Variants in FGFR2 observed in about 807,000 individuals in gnomAD.
FGFR2 encodes BEK fibroblast growth factor receptor.
Under a neutral mutation model 95.9 loss-of-function variants are expected in FGFR2, and 19 were observed. The ratio of observed to expected loss-of-function variants is 0.20; its 90% CI spans 0.14 to 0.29. FGFR2 has a LOEUF of 0.29. Ranked by LOEUF, FGFR2 falls within the 10% of genes least tolerant of loss-of-function variation. The probability of loss-of-function intolerance (pLI) is 1.00; values close to 1 mark genes in which losing one functional copy is unlikely to be tolerated. For missense variants in FGFR2, 707 were observed against 1,056.9 expected (o/e 0.67, Z 4.59); for synonymous variants, 392 against 393.3 (o/e 1.00, Z 0.04).
At position 121,479,800 on chromosome 10, in the gene FGFR2, C is replaced by T. The variant is rs533590230; in HGVS notation, c.*57G>A. Reference sequence around the variant, plus strand: ...AGCTCTGGGAGGCATGGTCTCCCTGCTCAGTGTAGCTAGGTTCCCAGTGCT... The same window carrying T: ...AGCTCTGGGAGGCATGGTCTCCCTGTTCAGTGTAGCTAGGTTCCCAGTGCT... On this transcript the variant is annotated 3_prime_UTR_variant, in exon 18 of 18. Coordinates refer to ENST00000358487, the MANE Select transcript of FGFR2 (RefSeq NM_000141.5). 3.6e-5 allele frequency: 58 copies of T among 1,613,834 alleles called. No individual in the cohort carries two copies. In the East Asian group the frequency reaches 1.3e-3, roughly 35 times the overall value.
rs1228515489 is a variant in FGFR2 at position 121,543,562 on chromosome 10, C to A, written c.625-4847G>T. Among the ~76,000 whole-genome samples, 89 of 152,224 alleles carry A rather than the reference C, an allele frequency of 5.8e-4. 1 individual carries two copies. The highest frequency in any genetic ancestry group is 1.5e-5 in the Non-Finnish European group (1 of 68,014). On this transcript the variant is annotated intron_variant, in intron 5 of 17. Transcript: ENST00000358487. ...TAAAATCTTATTCTCCCATCCCAGT[C>A]CCCCACTTTCAGCAGGTGCCTGGGG...
At chr10:121,578,514 C>A (rs187774906) in intron 2 of FGFR2, among the ~76,000 whole-genome samples, 2 of 152,242 alleles carry the variant, frequency 1.3e-5, no homozygotes, top group Non-Finnish European at 2.9e-5. Flanking sequence ...AAAAGGTGTA[C>A]GGAGAGGGAC....
At chr10:121,585,857 A>T (rs567128926) in intron 2 of FGFR2, among the ~76,000 whole-genome samples, 2 of 152,372 alleles carry the variant, frequency 1.3e-5, no homozygotes, top group East Asian at 3.9e-4. Context: ...GAAATGCAAC[A>T]TGCATTGGTG....
Position 121,554,150 on chromosome 10 carries a change from T to G in FGFR2, c.455-2691A>C, listed in dbSNP as rs117999938. Among the ~76,000 whole-genome samples the G allele has an allele frequency of 3.2e-3, 493 of 152,292 alleles. 9 individuals are homozygous for G. The highest frequency in any genetic ancestry group is 0.022 in the East Asian group (115 of 5,176). On this transcript the variant is annotated intron_variant, in intron 4 of 17. Coordinates refer to ENST00000358487, the MANE Select transcript of FGFR2 (RefSeq NM_000141.5). ...GGGTACGGGTGCAGTGCTGCTCATC[T>G]AGGTCTCAGAGATCCAAGGTTGGGG... is the stretch of plus-strand genomic sequence containing the variant.
chr10:121,498,142 A>G (rs1042305778), intron 12 of FGFR2, among the ~76,000 whole-genome samples: 1 of 152,176 alleles, frequency 6.6e-6, no homozygotes, highest in African/African-American at 2.4e-5. Context: ...GAACTTCTCA[A>G]CCAAAACATA....
At chr10:121,567,914 C>T (rs1857947808) in intron 2 of FGFR2, among the ~76,000 whole-genome samples, 1 of 152,170 alleles carries the variant, frequency 6.6e-6, no homozygotes, top group South Asian at 2.1e-4. Context: ...TTGTATAAGA[C>T]AATCAGAGAG....
At chr10:121,567,421 C>T (rs977540794) in intron 2 of FGFR2, among the ~76,000 whole-genome samples, 4 of 152,194 alleles carry the variant, frequency 2.6e-5, no homozygotes, top group South Asian at 2.1e-4. Context: ...GCCCAGCTGA[C>T]GGGCAGGTTA....
In FGFR2 at chr10:121,593,724, T is replaced by G; in HGVS notation, c.94A>C (p.Thr32Pro). Residue 32 changes from threonine (T) to proline (P), a missense_variant, in exon 2 of 18, where the codon ACA becomes CCA. Thr to Pro is a conservative substitution (Grantham distance 38, BLOSUM62 -1). This residue lies in a region of FGFR2 where 178 missense variants were observed against 194.1 expected (regional missense o/e 0.92). Transcript: ENST00000358487. ...RPSFSLVEDT[T>P]LEPEEPPTKY... is the part of the protein sequence containing the mutation. ...AATGACTTACCTTCTGGCTCTAATG[T>G]GGTATCCTCAACTAAACTGAAGGAG... 2 of 1,614,074 alleles carry G rather than the reference T, an allele frequency of 1.2e-6. No individual in the cohort carries two copies. Among genetic ancestry groups the G allele is most frequent in the Non-Finnish European group, 1.7e-6 (2 of 1,179,928 alleles).
In FGFR2 at chr10:121,507,653, G is replaced by GA. The variant is rs924915153; in HGVS notation, c.1288-3713dup. 3.9e-4 allele frequency among the ~76,000 whole-genome samples: 59 copies of GA among 150,532 alleles called. 2 individuals are homozygous for GA. Among genetic ancestry groups the GA allele is most frequent in the Admixed American group, 6.6e-4 (10 of 15,106 alleles). On this transcript the variant is annotated intron_variant, in intron 9 of 17. Transcript: ENST00000358487. ...GCATTAATGTGATGATAAAATGAGG[G>GA]AAAAAAAAACTGATGAAGTGCTTAG...
intron 6 of FGFR2, chr10:121,526,740 TGTTTA>T (rs1311080850): frequency 3.5e-5 from 14 of 398,564 alleles, no homozygotes; most frequent in Non-Finnish European, 6.2e-5. Flanking sequence ...TGTTTTGTTT[TGTTTA>T]AACACATTTC....
chr10:121,529,249 C>T (rs755328590), intron 6 of FGFR2, among the ~76,000 whole-genome samples: 40 of 152,184 alleles, frequency 2.6e-4, no homozygotes, highest in Non-Finnish European at 5.6e-4. Flanking sequence ...GCTGGGATTA[C>T]AGGCACACAA....
At chr10:121,486,851 G>A (rs1845478762) in intron 15 of FGFR2, among the ~76,000 whole-genome samples, 1 of 152,154 alleles carries the variant, frequency 6.6e-6, no homozygotes, top group African/African-American at 2.4e-5. Flanking sequence ...TGCTATCAAG[G>A]ATGCCAAAGC....
chr10:121,570,577 T>A (rs911348201), intron 2 of FGFR2, among the ~76,000 whole-genome samples: 14 of 152,230 alleles, frequency 9.2e-5, no homozygotes, highest in Non-Finnish European at 1.8e-4. Context: ...ACTTTTCACC[T>A]TTCCTGTGCG....
chr10:121,494,813 T>C (rs189938696), intron 13 of FGFR2, among the ~76,000 whole-genome samples: 18 of 152,322 alleles, frequency 1.2e-4, no homozygotes, highest in Admixed American at 7.2e-4. Context: ...TTCTTCAGCG[T>C]ATTTCTCCTA....
chr10:121,504,051 G>T, intron 9 of FGFR2, 110 bp from the exon 10 acceptor site: 1 of 1,361,610 alleles, frequency 7.3e-7, no homozygotes, highest in Non-Finnish European at 1.0e-6. Context: ...ATGGGTTGGG[G>T]GCTGGCAGAA....
intron 9 of FGFR2, among the ~76,000 whole-genome samples, chr10:121,508,469 C>T (rs945852895): frequency 6.6e-6 from 1 of 152,094 alleles, no homozygotes; most frequent in African/African-American, 2.4e-5. Flanking sequence ...TATGGCTCAC[C>T]CATGACCCCA....
At chr10:121,492,452 G>A (rs574362578) in intron 13 of FGFR2, among the ~76,000 whole-genome samples, 16 of 152,076 alleles carry the variant, frequency 1.1e-4, no homozygotes, top group Non-Finnish European at 2.2e-4. Context: ...GCTGCTGGAG[G>A]CCAGGCACTG....
rs1852131938 is a variant in FGFR2 at position 121,531,948 on chromosome 10, C to T, written c.748+6644G>A. ...TTCCGTGATCTGTCAACTAAATAAG[C>T]CCACTTAGAAAGGCTGTCGCTGTGA... On this transcript the variant is annotated intron_variant, in intron 6 of 17. Coordinates refer to ENST00000358487, the MANE Select transcript of FGFR2 (RefSeq NM_000141.5). This position sits in a 1 kb window ranked among gnomAD's most constrained non-coding sequence, Gnocchi z 4.5. 6.6e-6 allele frequency among the ~76,000 whole-genome samples: 1 copy of T among 152,174 alleles called. No homozygotes were observed. Among genetic ancestry groups the T allele is most frequent in the Non-Finnish European group, 1.5e-5 (1 of 68,020 alleles).
intron 2 of FGFR2, among the ~76,000 whole-genome samples, chr10:121,569,025 G>C (rs767644460): frequency 6.6e-6 from 1 of 152,026 alleles, no homozygotes; most frequent in South Asian, 2.1e-4. Context: ...CCCAAATACT[G>C]GTTTATTATT....
Sources: allele counts gnomAD v4.1 joint callset (sites outside exome capture counted in the v4.1 genomes callset), GRCh38; gene constraint gnomAD v4.1.1; regional missense constraint gnomAD v4.1.1; non-coding constraint Gnocchi (gnomAD v3.1); transcripts MANE v1.5; gene names NCBI Gene and HGNC (gene_info 2026-07-23, HGNC 2026-07-21).